The following PNMA8A variants were observed in gnomAD, a reference collection of about 807,000 sequenced individuals.
The protein encoded by PNMA8A is paraneoplastic antigen-like protein 8A.
A neutral mutation model predicts 26.6 loss-of-function variants in PNMA8A; 17 were observed. The observed-to-expected ratio is 0.64, with a 90% CI of 0.44 to 0.96. PNMA8A has a LOEUF of 0.96. PNMA8A is among the 40% of genes least tolerant of loss of function. The probability of loss-of-function intolerance (pLI) is 0.00; values close to 1 mark genes in which losing one functional copy is unlikely to be tolerated. For synonymous variants in PNMA8A, 224 were observed against 182.0 expected (o/e 1.23, Z -1.86); for missense variants, 532 against 488.4 (o/e 1.09, Z -0.84).
At position 46,467,234 on chromosome 19, in the gene PNMA8A, A is replaced by T; in HGVS notation, c.*1327T>A. The T allele has an allele frequency of 6.6e-6, 1 of 152,194 alleles. No individual in the cohort carries two copies. The highest frequency in any genetic ancestry group is 1.9e-4 in the East Asian group (1 of 5,196). The allele number at this position is 152,194 out of a possible 1,614,324, so 9.4% of individuals were successfully genotyped here. ...CTTTTCAGTTTTTTAAACACGTGAG[A>T]AAAATAGATTTGGATTACATCTTTG... On this transcript the variant is annotated 3_prime_UTR_variant, in exon 3 of 3. Coordinates refer to ENST00000313683, the MANE Select transcript of PNMA8A (RefSeq NM_018215.4).
In PNMA8A at chr19:46,468,333, G is replaced by C. The variant is rs547063339; in HGVS notation, c.*228C>G. ...TGCCTCCGAAGAGAAGGTGAGTAGA[G>C]AAGGCGGTGAAACGGCAGGCCTGGT... On this transcript the variant is annotated 3_prime_UTR_variant, in exon 3 of 3. Coordinates refer to ENST00000313683, the MANE Select transcript of PNMA8A (RefSeq NM_018215.4). The C allele has an allele frequency of 2.0e-6, 1 of 505,820 alleles. No individual in the cohort carries two copies. The highest frequency in any genetic ancestry group is 3.6e-6 in the Non-Finnish European group (1 of 280,210). The allele number at this position is 505,820 out of a possible 1,614,324, so 31.3% of individuals were successfully genotyped here.
At position 46,470,219 on chromosome 19, in the gene PNMA8A, C is replaced by G; in HGVS notation, c.817G>C (p.Asp273His). 1 of 1,614,180 alleles carries G rather than the reference C, an allele frequency of 6.2e-7. No individual in the cohort carries two copies. Among genetic ancestry groups the G allele is most frequent in the Non-Finnish European group, 8.5e-7 (1 of 1,180,046 alleles). The part of the protein sequence containing the change: ...INSNSTANLE[D>H]PEVGDAESMA... The stretch of plus-strand genomic sequence containing the variant: ...CTTTCAGCATCACCCACCTCAGGAT[C>G]CTCCAAGTTAGCTGTGCTGTTGGAA... Residue 273 changes from aspartate (D) to histidine (H), a missense_variant, in exon 2 of 3, where the codon GAT (aspartate) becomes CAT (histidine). By Grantham distance (81) the Asp-to-His change is moderately conservative (BLOSUM62 -1). Coordinates refer to ENST00000313683, the MANE Select transcript of PNMA8A (RefSeq NM_018215.4).
chr19:46,470,536 T>C lies in PNMA8A; in HGVS notation c.500A>G (p.Glu167Gly). The C allele has an allele frequency of 6.2e-7, 1 of 1,614,050 alleles. No individual in the cohort carries two copies. Among genetic ancestry groups the C allele is most frequent in the Non-Finnish European group, 8.5e-7 (1 of 1,180,042 alleles). Residue 167 changes from glutamate (E) to glycine (G), a missense_variant, in exon 2 of 3, where the codon GAG (glutamate) becomes GGG (glycine). Coordinates refer to ENST00000313683, the MANE Select transcript of PNMA8A (RefSeq NM_018215.4). ...CCTGGCTTCCTCCCGGCTGCGGATC[T>C]CGGCATCCATGCAGAAGATGATCTG... ...VVQIIFCMDA[E>G]IRSREEARAQ...
In PNMA8A at chr19:46,470,166, G is replaced by A. The variant is rs781302199; in HGVS notation, c.870C>T (p.Gly290=). 11 of 1,614,088 alleles carry A rather than the reference G, an allele frequency of 6.8e-6. No homozygotes were observed. The South Asian group carries it at 9.9e-5, about 15-fold the overall frequency. ...CCTTATTCACACAGGGCTTTCTGCT[G>A]CCCTTGATCGGCTCTGAGATCGCCA... ...ESMAISEPIK[G]SRKPCVNKEE... Residue 290 remains glycine (G), a synonymous_variant, in exon 2 of 3, where the codon GGC becomes GGT. Coordinates refer to ENST00000313683, the MANE Select transcript of PNMA8A (RefSeq NM_018215.4).
chr19:46,469,985 C>T lies in PNMA8A; in HGVS notation c.1051G>A (p.Ala351Thr). The change falls in exon 2 of 3, where the codon GCC becomes ACC. Residue 351 changes from alanine (A) to threonine (T), a missense_variant. Transcript: ENST00000313683. ...HESPPKKKAV[A>T]WVSAKNPAPM... is the part of the protein sequence containing the mutation. ...GCGGGGTTCTTGGCAGACACCCAGG[C>T]CACGGCCTTCTTCTTTGGTGGGCTT... 1 of 1,609,098 alleles carries T rather than the reference C, an allele frequency of 6.2e-7. No homozygotes were observed. The highest frequency in any genetic ancestry group is 1.1e-5 in the South Asian group (1 of 90,328).
chr19:46,469,652 T>C lies in PNMA8A; in HGVS notation c.1303+81A>G, dbSNP rs534856067. The C allele has an allele frequency of 2.2e-5, 32 of 1,445,252 alleles. 1 individual carries two copies. Among genetic ancestry groups the C allele is most frequent in the South Asian group, 8.6e-5 (6 of 69,704 alleles). The allele number at this position is 1,445,252 out of a possible 1,614,324, so 89.5% of individuals were successfully genotyped here. A position where few individuals can be genotyped will look rare whatever the true frequency, so the allele number is the denominator to read the frequency against. ...TTGACCCACCACCTCCTCGGGCTCCTCTGCCCCACCTGCCACTCCTGCTCC... is the reference window on the plus strand; with the variant it reads ...TTGACCCACCACCTCCTCGGGCTCCCCTGCCCCACCTGCCACTCCTGCTCC... On this transcript the variant is annotated intron_variant, in intron 2 of 2. Transcript: ENST00000313683.
In PNMA8A at chr19:46,467,431, TGA is replaced by T. The variant is rs1165414490; in HGVS notation, c.*1128_*1129del. The T allele has an allele frequency of 1.3e-5, 2 of 152,230 alleles. No homozygotes were observed. Among genetic ancestry groups the T allele is most frequent in the African/African-American group, 4.8e-5 (2 of 41,448 alleles). 9.4% of individuals were successfully genotyped at this position (152,230 alleles called of 1,614,324 possible). On this transcript the variant is annotated 3_prime_UTR_variant, in exon 3 of 3. Coordinates refer to ENST00000313683, the MANE Select transcript of PNMA8A (RefSeq NM_018215.4). ...CATTAACAGCCAAGTTTTGTTTTTTTGAGAGAGAGTCTCACTCTGCTGCCCAG... is the reference window on the plus strand; with the variant it reads ...CATTAACAGCCAAGTTTTGTTTTTTTGAGAGAGTCTCACTCTGCTGCCCAG...
chr19:46,470,532 G>C lies in PNMA8A; in HGVS notation c.504C>G (p.Ile168Met), dbSNP rs554916997. 5.0e-6 allele frequency: 8 copies of C among 1,614,064 alleles called. No individual in the cohort carries two copies. The South Asian group carries it at 8.8e-5, about 18-fold the overall frequency. ...GGGCCCTGGCTTCCTCCCGGCTGCG[G>C]ATCTCGGCATCCATGCAGAAGATGA... ...VQIIFCMDAE[I>M]RSREEARAQE... The change falls in exon 2 of 3, where the codon ATC becomes ATG. Residue 168 changes from isoleucine to methionine, a missense_variant. Coordinates refer to ENST00000313683, the MANE Select transcript of PNMA8A (RefSeq NM_018215.4).
Position 46,468,357 on chromosome 19 carries a change from G to T in PNMA8A, c.*204C>A. On this transcript the variant is annotated 3_prime_UTR_variant, in exon 3 of 3. Coordinates refer to ENST00000313683, the MANE Select transcript of PNMA8A (RefSeq NM_018215.4). ...AGAAGGCGGTGAAACGGCAGGCCTGGTAGAGAAAAGGGCATAGAGATCCAC... is the reference window on the plus strand; with the variant it reads ...AGAAGGCGGTGAAACGGCAGGCCTGTTAGAGAAAAGGGCATAGAGATCCAC... The T allele has an allele frequency of 1.9e-6, 1 of 527,084 alleles. No homozygotes were observed. 32.7% of individuals were successfully genotyped at this position (527,084 alleles called of 1,614,324 possible).
Position 46,470,489 on chromosome 19 carries a change from C to G in PNMA8A, c.547G>C (p.Glu183Gln). 2 of 1,613,916 alleles carry G rather than the reference C, an allele frequency of 1.2e-6. No individual in the cohort carries two copies. The highest frequency in any genetic ancestry group is 2.2e-5 in the East Asian group (1 of 44,850). Reference protein sequence around the residue: ...EARAQEAAEFEEMAAWALAAG... With the variant: ...EARAQEAAEFQEMAAWALAAG... ...GCTAAAGCCCAGGCTGCCATCTCCTCGAATTCAGCGGCCTCCTGGGCCCTG... is the reference window on the plus strand; with the variant it reads ...GCTAAAGCCCAGGCTGCCATCTCCTGGAATTCAGCGGCCTCCTGGGCCCTG... Residue 183 changes from glutamate to glutamine, a missense_variant, in exon 2 of 3, where the codon GAG becomes CAG. Glu to Gln is a conservative substitution (Grantham distance 29). Coordinates refer to ENST00000313683, the MANE Select transcript of PNMA8A (RefSeq NM_018215.4).
chr19:46,470,483 TCTC>T lies in PNMA8A; in HGVS notation c.550_552del (p.Glu184del). The T allele has an allele frequency of 1.2e-6, 2 of 1,614,064 alleles. No individual in the cohort carries two copies. The highest frequency in any genetic ancestry group is 1.7e-6 in the Non-Finnish European group (2 of 1,180,032). On this transcript the variant is annotated inframe_deletion, in exon 2 of 3. Coordinates refer to ENST00000313683, the MANE Select transcript of PNMA8A (RefSeq NM_018215.4). ...CCTGCTGCTAAAGCCCAGGCTGCCA[TCTC>T]CTCGAATTCAGCGGCCTCCTGGGCC... is the stretch of plus-strand genomic sequence containing the variant.
chr19:46,470,208 C>A lies in PNMA8A; in HGVS notation c.828G>T (p.Val276=), dbSNP rs766794398. 6.9e-5 allele frequency: 112 copies of A among 1,614,068 alleles called. 2 individuals carry two copies. In the South Asian group the frequency reaches 1.2e-3, roughly 18 times the overall value. ...AGATCGCCATGCTTTCAGCATCACCCACCTCAGGATCCTCCAAGTTAGCTG... is the reference window on the plus strand; with the variant it reads ...AGATCGCCATGCTTTCAGCATCACCAACCTCAGGATCCTCCAAGTTAGCTG... ...NSTANLEDPE[V]GDAESMAISE... The change falls in exon 2 of 3, where the codon GTG becomes GTT. Residue 276 remains valine, a synonymous_variant. Coordinates refer to ENST00000313683, the MANE Select transcript of PNMA8A (RefSeq NM_018215.4).
Position 46,469,909 on chromosome 19 carries a change from A to C in PNMA8A, c.1127T>G (p.Leu376Trp), listed in dbSNP as rs1030550681. Residue 376 changes from leucine to tryptophan, a missense_variant, in exon 2 of 3, where the codon TTG becomes TGG. Physicochemically the swap from Leu to Trp is moderately conservative, Grantham distance 61. Transcript: ENST00000313683. ...KVSLGPVSYVLVDSEDGRKKP... is the reference protein window; with the variant it reads ...KVSLGPVSYVWVDSEDGRKKP... The stretch of plus-strand genomic sequence containing the variant: ...CTTCCTGCCATCTTCTGAGTCAACC[A>C]AGACGTAGGAGACAGGGCCCAAGCT... 1.9e-6 allele frequency: 3 copies of C among 1,614,004 alleles called. No homozygotes were observed. The African/African-American group carries it at 4.0e-5, about 22-fold the overall frequency.
chr19:46,470,042 C>T lies in PNMA8A; in HGVS notation c.994G>A (p.Ala332Thr), dbSNP rs978239261. The change falls in exon 2 of 3, where the codon GCC becomes ACC. Residue 332 changes from alanine to threonine, a missense_variant. Coordinates refer to ENST00000313683, the MANE Select transcript of PNMA8A (RefSeq NM_018215.4). ...ARAEAESPGG[A>T]SESDQDGGHE... ...CCACCATCTTGGTCTGACTCAGAGG[C>T]GCCTCCTGGGCTCTCGGCTTCTGCC... 17 of 1,596,276 alleles carry T rather than the reference C, an allele frequency of 1.1e-5. No individual in the cohort carries two copies. The highest frequency in any genetic ancestry group is 1.3e-5 in the Non-Finnish European group (15 of 1,173,188).
In PNMA8A at chr19:46,470,787, G is replaced by A. The variant is rs550386987; in HGVS notation, c.249C>T (p.Pro83=). 43 of 784,030 alleles carry A rather than the reference G, an allele frequency of 5.5e-5. No individual in the cohort carries two copies. The East Asian group carries it at 9.4e-4, about 17-fold the overall frequency. 48.6% of individuals were successfully genotyped at this position (784,030 alleles called of 1,614,324 possible). ...VGEGVNLSTI[P]REFPGRGGVW... ...CACCACCCCTTCCTGGGAATTCACG[G>A]GGGATGGTGCTCAGATTCACACCTT... The change falls in exon 2 of 3, where the codon CCC becomes CCT. Residue 83 remains proline, a synonymous_variant. Transcript: ENST00000313683.
At position 46,470,880 on chromosome 19, in the gene PNMA8A, C is replaced by A. The variant is rs1439357969; in HGVS notation, c.156G>T (p.Pro52=). The stretch of plus-strand genomic sequence containing the variant: ...CAAAAATCTTGTTGAGCACGCGGTA[C>A]GGGCCCAGTGGGGAGAGGACCCCAT... The part of the protein sequence containing the change: ...TLNGVLSPLG[P]YRVLNKIFVR... Residue 52 remains proline, a synonymous_variant, in exon 2 of 3, where the codon CCG becomes CCT. Coordinates refer to ENST00000313683, the MANE Select transcript of PNMA8A (RefSeq NM_018215.4). 4 of 780,888 alleles carry A rather than the reference C, an allele frequency of 5.1e-6. No individual in the cohort carries two copies. The highest frequency in any genetic ancestry group is 3.4e-5 in the Admixed American group (2 of 59,024). The allele number at this position is 780,888 out of a possible 1,614,324, so 48.4% of individuals were successfully genotyped here. A position where few individuals can be genotyped will look rare whatever the true frequency, so the allele number is the denominator to read the frequency against.
chr19:46,469,689 C>A (rs1222729207), intron 2 of PNMA8A, 44 bp downstream of exon 2: 1 of 1,539,576 alleles, frequency 6.5e-7, no homozygotes, highest in East Asian at 2.3e-5. Context: ...CCTGCCTCAT[C>A]CACTTGCTGG....
chr19:46,466,899 T>C lies in PNMA8A; in HGVS notation c.*1662A>G, dbSNP rs550854471. 1.3e-5 allele frequency: 2 copies of C among 152,342 alleles called. No homozygotes were observed. The highest frequency in any genetic ancestry group is 1.3e-4 in the Admixed American group (2 of 15,298). The allele number at this position is 152,342 out of a possible 1,614,324, so 9.4% of individuals were successfully genotyped here. A position where few individuals can be genotyped will look rare whatever the true frequency, so the allele number is the denominator to read the frequency against. ...TGAAAACTTGCAAGGGCTAATACTC[T>C]ATGATAGAATATTACTACTGTTCAC... On this transcript the variant is annotated 3_prime_UTR_variant, in exon 3 of 3. Coordinates refer to ENST00000313683, the MANE Select transcript of PNMA8A (RefSeq NM_018215.4).
At position 46,471,127 on chromosome 19, in the gene PNMA8A, A is replaced by G. The variant is rs1008606628; in HGVS notation, c.-79-13T>C. On this transcript the variant is annotated splice_polypyrimidine_tract_variant and intron_variant, in intron 1 of 2. Transcript: ENST00000313683. ...CCAAACAGTAATCCTGCAAGGTGAC[A>G]AGGGAGCGAGGTCACGTTCCCAGGA... 1 of 645,052 alleles carries G rather than the reference A, an allele frequency of 1.6e-6. No individual in the cohort carries two copies. Among genetic ancestry groups the G allele is most frequent in the Non-Finnish European group, 2.8e-6 (1 of 358,218 alleles). The allele number at this position is 645,052 out of a possible 1,614,324, so 40.0% of individuals were successfully genotyped here. A position where few individuals can be genotyped will look rare whatever the true frequency, so the allele number is the denominator to read the frequency against.
Sources: gnomAD v4.1 joint callset for allele counts on GRCh38, gnomAD v4.1.1 for gene constraint, MANE v1.5 for transcripts, NCBI Gene and HGNC (gene_info 2026-07-23, HGNC 2026-07-21) for gene names.